The following ACTR2 variants were observed in gnomAD, a reference collection of about 807,000 sequenced individuals.
ACTR2 encodes the protein actin related protein 2.
In ACTR2, 5 loss-of-function variants were observed where a neutral mutation model predicts 50.2. The observed-to-expected ratio is 0.10, with a 90% CI of 0.05 to 0.21. The LOEUF is 0.21. Among genes scored for constraint, ACTR2 ranks in the 10% least tolerant of loss-of-function variants. The pLI is 1.00. For missense variants in ACTR2, 180 were observed against 480.6 expected, an observed-to-expected ratio of 0.37 and a Z score of 5.85; for synonymous variants, 140 against 162.9, an observed-to-expected ratio of 0.86 and a Z score of 1.07.
intron 4 of ACTR2, among the ~76,000 whole-genome samples, chr2:65,252,671 TAAAA>T (rs1185695754): frequency 2.0e-5 from 3 of 150,464 alleles, no homozygotes; most frequent in Non-Finnish European, 3.0e-5. Context: ...TAAAAATAAA[TAAAA>T]AAAGTTTTTT....
chr2:65,251,150 G>T (rs1672041922), intron 4 of ACTR2, 51 bp downstream of exon 4: 1 of 1,330,704 alleles, frequency 7.5e-7, no homozygotes, highest in Admixed American at 2.1e-5. Flanking sequence ...CATTTATTAT[G>T]TATGTTTTAT....
chr2:65,249,204 T>C (rs1000197628), intron 3 of ACTR2, among the ~76,000 whole-genome samples: 5 of 152,182 alleles, frequency 3.3e-5, no homozygotes, highest in African/African-American at 1.2e-4. Context: ...TTAATGTACA[T>C]ATTTTGTTTA....
At chr2:65,232,510 A>G (rs1361275035) in intron 1 of ACTR2, among the ~76,000 whole-genome samples, 1 of 152,234 alleles carries the variant, frequency 6.6e-6, no homozygotes, top group Non-Finnish European at 1.5e-5. Context: ...TGGTATAAGT[A>G]GAATAAATAT....
At chr2:65,246,781 T>C in intron 3 of ACTR2, 42 bp downstream of exon 3, 1 of 1,364,330 alleles carries the variant, frequency 7.3e-7, no homozygotes, top group African/African-American at 1.6e-5. Context: ...ATTTCTGTGA[T>C]ATTATGTTAA....
intron 3 of ACTR2, among the ~76,000 whole-genome samples, chr2:65,247,432 CA>C (rs1400308467): frequency 2.0e-5 from 3 of 151,712 alleles, no homozygotes; most frequent in Non-Finnish European, 2.9e-5. Context: ...ACTAAAAATA[CA>C]AAAAATTAGC....
At chr2:65,254,036 A>G (rs1251597944) in intron 5 of ACTR2, among the ~76,000 whole-genome samples, 172 bp downstream of exon 5, 2 of 152,228 alleles carry the variant, frequency 1.3e-5, no homozygotes, top group South Asian at 2.1e-4. Flanking sequence ...CACATGAAGA[A>G]AAAAGAAGAT....
At chr2:65,247,250 A>G (rs1671954664) in intron 3 of ACTR2, among the ~76,000 whole-genome samples, 1 of 152,176 alleles carries the variant, frequency 6.6e-6, no homozygotes, top group Non-Finnish European at 1.5e-5. Flanking sequence ...AATATGTATT[A>G]TATACTATAT....
chr2:65,243,925 G>C (rs1481876763), intron 2 of ACTR2, among the ~76,000 whole-genome samples: 2 of 152,042 alleles, frequency 1.3e-5, no homozygotes, highest in African/African-American at 4.8e-5. Flanking sequence ...TCTGAGTGAT[G>C]AAGGCAAGTT....
intron 2 of ACTR2, among the ~76,000 whole-genome samples, chr2:65,243,146 G>A (rs962157259): frequency 4.6e-5 from 7 of 152,082 alleles, no homozygotes; most frequent in African/African-American, 1.4e-4. Context: ...AGGTGTGGTG[G>A]TGTGTGCCTG....
rs1325092443 is a variant in ACTR2, at chr2:65,269,330, G to A, written c.*596G>A. 1 of 152,072 alleles carries A rather than the reference G, an allele frequency of 6.6e-6. No individual in the cohort carries two copies. Among genetic ancestry groups the A allele is most frequent in the African/African-American group, 2.4e-5 (1 of 41,400 alleles). 9.4% of individuals were successfully genotyped at this position (152,072 alleles called of 1,614,324 possible). ...GTTGCGGGGGGGAGGGTAACAATGG[G>A]TGGTCTTCTGATTTTTATTTTTGAG... is the stretch of plus-strand genomic sequence containing the variant. On this transcript the variant is annotated 3_prime_UTR_variant, in exon 9 of 9. Transcript: ENST00000260641.
chr2:65,259,433 A>G (rs993348846), intron 6 of ACTR2, among the ~76,000 whole-genome samples: 8 of 151,886 alleles, frequency 5.3e-5, no homozygotes, highest in African/African-American at 1.2e-4. Flanking sequence ...AAAAAAATAT[A>G]TATGTATTGT....
intron 8 of ACTR2, 122 bp from the exon 9 acceptor site, chr2:65,268,442 T>C (rs1436465926): frequency 1.5e-6 from 1 of 668,626 alleles, no homozygotes; most frequent in Non-Finnish European, 2.4e-6. Context: ...AAATATTACG[T>C]TCTACTTATA....
intron 3 of ACTR2, among the ~76,000 whole-genome samples, chr2:65,246,946 T>C (rs1301947396): frequency 6.6e-6 from 1 of 152,054 alleles, no homozygotes; most frequent in African/African-American, 2.4e-5. Flanking sequence ...ATGGAGTGTA[T>C]ATATTCTAAC....
chr2:65,247,463 C>T (rs1221225625), intron 3 of ACTR2, among the ~76,000 whole-genome samples: 1 of 152,124 alleles, frequency 6.6e-6, no homozygotes, highest in African/African-American at 2.4e-5. Flanking sequence ...TGGCGGGTGC[C>T]TGTAGTCCCA....
At chr2:65,236,506 C>T (rs1671742982) in intron 1 of ACTR2, among the ~76,000 whole-genome samples, 1 of 152,066 alleles carries the variant, frequency 6.6e-6, no homozygotes, top group Non-Finnish European at 1.5e-5. Context: ...AGTTTTACCG[C>T]ATTAAACAAA....
chr2:65,270,050 T>G lies in ACTR2; in HGVS notation c.*1316T>G, dbSNP rs190419042. 1 of 152,344 alleles carries G rather than the reference T, an allele frequency of 6.6e-6. No individual in the cohort carries two copies. The highest frequency in any genetic ancestry group is 1.5e-5 in the Non-Finnish European group (1 of 68,012). 9.4% of individuals were successfully genotyped at this position (152,344 alleles called of 1,614,324 possible). ...TGCCAGTGTCAGAAAATCCTATTTA[T>G]GAATCCTGTCGGTATTCCTTGGTAT... On this transcript the variant is annotated 3_prime_UTR_variant, in exon 9 of 9. Transcript: ENST00000260641.
In ACTR2 at chr2:65,246,747, T is replaced by C; in HGVS notation, c.375+8T>C. ...AGAGAGAAGATTGTAGAGGTGAGTT[T>C]TTATGCAGGATATGCATATGTGTAT... is the stretch of plus-strand genomic sequence containing the variant. On this transcript the variant is annotated splice_region_variant and intron_variant, in intron 3 of 8. Transcript: ENST00000260641. 6.3e-7 allele frequency: 1 copy of C among 1,580,142 alleles called. No homozygotes were observed. The highest frequency in any genetic ancestry group is 1.8e-5 in the Admixed American group (1 of 57,058).
intron 4 of ACTR2, among the ~76,000 whole-genome samples, chr2:65,251,769 A>G (rs1235392151): frequency 6.6e-6 from 1 of 152,200 alleles, no homozygotes; most frequent in Non-Finnish European, 1.5e-5. Flanking sequence ...TGTCAAATAT[A>G]TAGTAGATTA....
chr2:65,264,082 C>T (rs989916233), intron 7 of ACTR2, among the ~76,000 whole-genome samples: 2 of 152,008 alleles, frequency 1.3e-5, no homozygotes, highest in African/African-American at 2.4e-5. Flanking sequence ...AAGTACATGC[C>T]TGTTGCTGAT....
Sources: allele counts gnomAD v4.1 joint callset (sites outside exome capture counted in the v4.1 genomes callset), GRCh38; gene constraint gnomAD v4.1.1; transcripts MANE v1.5; gene names NCBI Gene and HGNC (gene_info 2026-07-23, HGNC 2026-07-21).